Variants in ENPP2 observed in about 807,000 individuals in gnomAD.
ENPP2 encodes ectonucleotide pyrophosphatase/phosphodiesterase 2.
Under a neutral mutation model 120.2 loss-of-function variants are expected in ENPP2, and 51 were observed. The observed-to-expected ratio is 0.42, with a 90% CI of 0.34 to 0.54. The LOEUF (loss-of-function observed/expected upper bound fraction) is 0.54. ENPP2 is among the 20% of genes least tolerant of loss of function. The pLI is 0.04. For missense variants in ENPP2, 920 were observed against 1,066.5 expected, an observed-to-expected ratio of 0.86 and a Z score of 1.91; for synonymous variants, 365 against 366.4, an observed-to-expected ratio of 1.00 and a Z score of 0.04.
chr8:119,657,947 AC>A (rs1817814511), intron 1 of ENPP2, among the ~76,000 whole-genome samples: 1 of 152,230 alleles, frequency 6.6e-6, no homozygotes, highest in African/African-American at 2.4e-5. Flanking sequence ...TACACACACA[AC>A]GTGGCTCATC....
intron 2 of ENPP2, among the ~76,000 whole-genome samples, chr8:119,637,153 G>T (rs970474306): frequency 6.6e-6 from 1 of 152,080 alleles, no homozygotes; most frequent in Non-Finnish European, 1.5e-5. Context: ...TGATTCCCCT[G>T]TCTGTTCAGT....
chr8:119,651,729 A>C (rs990911321), intron 1 of ENPP2, among the ~76,000 whole-genome samples: 1 of 152,298 alleles, frequency 6.6e-6, no homozygotes, highest in African/African-American at 2.4e-5. Context: ...CAAAAAGAAT[A>C]GGTTGCAAAT....
intron 8 of ENPP2, among the ~76,000 whole-genome samples, chr8:119,613,638 A>G (rs1312624432): frequency 6.6e-6 from 1 of 152,156 alleles, no homozygotes; most frequent in Admixed American, 6.5e-5. Context: ...CTCTGAGAGG[A>G]TGGTATAAAT....
At chr8:119,574,628 G>A (rs1221100858) in intron 19 of ENPP2, among the ~76,000 whole-genome samples, 4 of 152,018 alleles carry the variant, frequency 2.6e-5, no homozygotes, top group African/African-American at 9.7e-5. Flanking sequence ...GTAGAGACTG[G>A]AGTTTGTGTT....
chr8:119,640,929 T>A (rs565832825), upstream of ENPP2, among the ~76,000 whole-genome samples: 4 of 152,204 alleles, frequency 2.6e-5, no homozygotes, highest in South Asian at 8.3e-4. Flanking sequence ...GTATTTTTAA[T>A]ACAGACAGGG....
intron 2 of ENPP2, among the ~76,000 whole-genome samples, chr8:119,630,579 T>C (rs900690361): frequency 1.1e-4 from 17 of 152,216 alleles, no homozygotes; most frequent in African/African-American, 4.1e-4. Context: ...TCGGTCCCTA[T>C]CAGTTACAGT....
chr8:119,631,810 A>G (rs1156531888), intron 2 of ENPP2, among the ~76,000 whole-genome samples: 1 of 152,070 alleles, frequency 6.6e-6, no homozygotes, highest in East Asian at 1.9e-4. Flanking sequence ...GATGAATAAT[A>G]GAGGTACATA....
At chr8:119,602,563 G>T (rs1814391962) in intron 9 of ENPP2, among the ~76,000 whole-genome samples, 1 of 151,854 alleles carries the variant, frequency 6.6e-6, no homozygotes, top group South Asian at 2.1e-4. Context: ...TTCCTCTGTT[G>T]AAATATAATT....
chr8:119,628,153 T>C (rs1299998683), intron 2 of ENPP2, among the ~76,000 whole-genome samples: 1 of 152,078 alleles, frequency 6.6e-6, no homozygotes, highest in Non-Finnish European at 1.5e-5. Flanking sequence ...AGTCTGATAC[T>C]AGAAAATAAG....
chr8:119,584,135 T>A, intron 15 of ENPP2, 86 bp from the exon 16 acceptor site: 1 of 856,774 alleles, frequency 1.2e-6, no homozygotes, highest in Non-Finnish European at 1.9e-6. Flanking sequence ...AAAGAATATC[T>A]AAGAAGGGGC....
intron 18 of ENPP2, chr8:119,580,870 T>C (rs1489507601): frequency 6.6e-6 from 1 of 152,208 alleles, no homozygotes; most frequent in Non-Finnish European, 1.5e-5. Flanking sequence ...AATTGCAGGA[T>C]ACATATAGTA....
intron 1 of ENPP2, among the ~76,000 whole-genome samples, chr8:119,653,250 A>G (rs1016474233): frequency 6.6e-6 from 1 of 152,176 alleles, no homozygotes; most frequent in Non-Finnish European, 1.5e-5. Context: ...TCATTTGTTT[A>G]TTTACTCAGC....
chr8:119,602,457 CAAAAA>C (rs57298494), intron 9 of ENPP2, among the ~76,000 whole-genome samples: 8 of 122,940 alleles, frequency 6.5e-5, no homozygotes, highest in Admixed American at 8.3e-5. Flanking sequence ...AACTCTGTCT[CAAAAA>C]AAAAAAAAAA....
At chr8:119,662,387 A>T (rs1409959180) in intron 1 of ENPP2, among the ~76,000 whole-genome samples, 1 of 152,208 alleles carries the variant, frequency 6.6e-6, no homozygotes, top group African/African-American at 2.4e-5. Context: ...TAGAATCTAG[A>T]CCAATGGGTC....
chr8:119,646,227 C>T (rs1334698686), intron 1 of ENPP2, among the ~76,000 whole-genome samples: 4 of 152,120 alleles, frequency 2.6e-5, no homozygotes, highest in Non-Finnish European at 5.9e-5. Context: ...CCTCGGCCTC[C>T]CAAAGTTCTG....
At chr8:119,588,595 T>G (rs911185566) in intron 13 of ENPP2, among the ~76,000 whole-genome samples, 4 of 148,014 alleles carry the variant, frequency 2.7e-5, no homozygotes, top group African/African-American at 1.0e-4. Flanking sequence ...ACAATAACCC[T>G]AGGAGGTAAA....
intron 19 of ENPP2, chr8:119,572,346 C>G: frequency 1.1e-6 from 1 of 910,548 alleles, no homozygotes; most frequent in East Asian, 2.6e-5. Flanking sequence ...AACTCAAATT[C>G]AAGCTTGGCA....
intron 15 of ENPP2, among the ~76,000 whole-genome samples, chr8:119,584,951 A>T (rs1475088487): frequency 6.6e-6 from 1 of 152,226 alleles, no homozygotes; most frequent in East Asian, 1.9e-4. Context: ...ACAATACCTC[A>T]ACAATGCAAG....
At chr8:119,629,029 T>G (rs1816471572) in intron 2 of ENPP2, among the ~76,000 whole-genome samples, 1 of 152,208 alleles carries the variant, frequency 6.6e-6, no homozygotes, top group Admixed American at 6.5e-5. Flanking sequence ...TCTCTCATTA[T>G]ATATAAATAC....
Sources: allele counts gnomAD v4.1 joint callset (sites outside exome capture counted in the v4.1 genomes callset), GRCh38; gene constraint gnomAD v4.1.1; transcripts MANE v1.5; gene names NCBI Gene and HGNC (gene_info 2026-07-23, HGNC 2026-07-21).